UGT8: variants seen among roughly 807,000 people sequenced by gnomAD.
The protein encoded by UGT8 is 2-hydroxyacylsphingosine 1-beta-galactosyltransferase.
Under a neutral mutation model 40.5 loss-of-function variants are expected in UGT8, and 12 were observed. The observed-to-expected ratio is 0.30, with a 90% CI of 0.19 to 0.48. UGT8 has a LOEUF of 0.48. UGT8 is among the 20% of genes least tolerant of loss of function. The probability of loss-of-function intolerance (pLI) is 0.99; values close to 1 mark genes in which losing one functional copy is unlikely to be tolerated. For missense variants in UGT8, 513 were observed against 648.7 expected (o/e 0.79, Z 2.27); for synonymous variants, 224 against 240.4 (o/e 0.93, Z 0.63).
chr4:114,621,214 A>G (rs374206692), intron 1 of UGT8, among the ~76,000 whole-genome samples: 9 of 152,292 alleles, frequency 5.9e-5, no homozygotes, highest in African/African-American at 1.9e-4. Flanking sequence ...TGACATTTGC[A>G]CCTGAGTTAA....
chr4:114,622,005 C>A (rs1211645880), intron 1 of UGT8, among the ~76,000 whole-genome samples: 1 of 151,752 alleles, frequency 6.6e-6, no homozygotes. Context: ...GCACAATGTG[C>A]AGGTTAGTTA....
chr4:114,652,967 C>T (rs1733973735), intron 2 of UGT8, among the ~76,000 whole-genome samples: 1 of 152,054 alleles, frequency 6.6e-6, no homozygotes, highest in South Asian at 2.1e-4. Flanking sequence ...CATGGCTCTA[C>T]ATGTTTCTGC....
intron 2 of UGT8, among the ~76,000 whole-genome samples, chr4:114,624,632 A>G (rs1342245370): frequency 6.6e-6 from 1 of 152,170 alleles, no homozygotes; most frequent in African/African-American, 2.4e-5. Flanking sequence ...AAATTCTATC[A>G]GGGCCTTGAT....
At chr4:114,647,868 T>C (rs1733671167) in intron 2 of UGT8, among the ~76,000 whole-genome samples, 4 of 152,196 alleles carry the variant, frequency 2.6e-5, no homozygotes, top group Admixed American at 2.0e-4. Flanking sequence ...CCTTATATCC[T>C]CTTATTGCTT....
At chr4:114,655,380 A>G (rs908610273) in intron 2 of UGT8, among the ~76,000 whole-genome samples, 2 of 152,014 alleles carry the variant, frequency 1.3e-5, no homozygotes, top group Non-Finnish European at 2.9e-5. Context: ...AGAAGTCCAC[A>G]TAAGTTGTTT....
chr4:114,664,252 C>A, intron 3 of UGT8, 115 bp downstream of exon 3: 3 of 1,149,012 alleles, frequency 2.6e-6, no homozygotes, highest in African/African-American at 1.5e-5. Flanking sequence ...TAGCAAGATG[C>A]CCTTGACTTT....
intron 1 of UGT8, among the ~76,000 whole-genome samples, chr4:114,614,000 AT>A (rs2126090850): frequency 6.6e-6 from 1 of 152,254 alleles, no homozygotes; most frequent in South Asian, 2.1e-4. Context: ...GTATTATCTT[AT>A]TTTTATTTTC....
intron 2 of UGT8, among the ~76,000 whole-genome samples, chr4:114,635,719 T>A (rs13106767): frequency 0.6 from 90,761 of 152,034 alleles, 29,982 homozygotes; most frequent in East Asian, 0.81. Flanking sequence ...TTCAGTTAAG[T>A]TTTAAGTATA....
chr4:114,641,362 T>C (rs915527350), intron 2 of UGT8, among the ~76,000 whole-genome samples: 1 of 152,228 alleles, frequency 6.6e-6, no homozygotes, highest in African/African-American at 2.4e-5. Context: ...AAAGCAATAC[T>C]TGGAATTTTG....
intron 1 of UGT8, among the ~76,000 whole-genome samples, chr4:114,610,871 T>A (rs1730995819): frequency 6.6e-6 from 1 of 152,146 alleles, no homozygotes; most frequent in Non-Finnish European, 1.5e-5. Context: ...TAAAAATACA[T>A]TTAAACTAGT....
intron 1 of UGT8, among the ~76,000 whole-genome samples, chr4:114,604,575 T>C (rs1730627549): frequency 1.3e-5 from 2 of 151,990 alleles, no homozygotes; most frequent in Non-Finnish European, 2.9e-5. Flanking sequence ...TTAATAAACA[T>C]TTTAAATTAG....
intron 2 of UGT8, among the ~76,000 whole-genome samples, chr4:114,663,072 C>T (rs1734649418): frequency 6.6e-6 from 1 of 151,982 alleles, no homozygotes; most frequent in Non-Finnish European, 1.5e-5. Flanking sequence ...ATGCACCTGC[C>T]TTGGCCTCCC....
intron 1 of UGT8, among the ~76,000 whole-genome samples, chr4:114,618,381 T>G (rs1731569544): frequency 6.6e-6 from 1 of 152,192 alleles, no homozygotes; most frequent in Non-Finnish European, 1.5e-5. Context: ...AGTTGAGCAT[T>G]ATCACTAAAA....
At chr4:114,660,330 A>G (rs529152531) in intron 2 of UGT8, among the ~76,000 whole-genome samples, 13 of 152,334 alleles carry the variant, frequency 8.5e-5, no homozygotes, top group South Asian at 2.1e-4. Flanking sequence ...GTCGATATAG[A>G]CAATATGAAA....
intron 2 of UGT8, among the ~76,000 whole-genome samples, chr4:114,652,426 A>T (rs1733941613): frequency 6.6e-6 from 1 of 151,616 alleles, no homozygotes; most frequent in Non-Finnish European, 1.5e-5. Context: ...ACTAGTGTAG[A>T]GAACTTGAGC....
chr4:114,643,315 A>G (rs1285184387), intron 2 of UGT8, among the ~76,000 whole-genome samples: 1 of 152,196 alleles, frequency 6.6e-6, no homozygotes, highest in East Asian at 1.9e-4. Flanking sequence ...GTGCACCTAA[A>G]TAAGCCACTT....
chr4:114,656,967 C>A, intron 2 of UGT8: 1 of 351,946 alleles, frequency 2.8e-6, no homozygotes, highest in Admixed American at 5.1e-5. Flanking sequence ...CTGGTCATGG[C>A]TATCAAATAA....
At chr4:114,611,094 C>A (rs1731010304) in intron 1 of UGT8, among the ~76,000 whole-genome samples, 1 of 151,846 alleles carries the variant, frequency 6.6e-6, no homozygotes, top group African/African-American at 2.4e-5. Flanking sequence ...ATTAAAATCC[C>A]AATAAAAGAG....
At chr4:114,610,930 T>A (rs1731001686) in intron 1 of UGT8, among the ~76,000 whole-genome samples, 1 of 152,166 alleles carries the variant, frequency 6.6e-6, no homozygotes, top group Admixed American at 6.5e-5. Context: ...AATCCCATGA[T>A]CTTTTGTGAT....
Sources: allele counts gnomAD v4.1 joint callset (sites outside exome capture counted in the v4.1 genomes callset), GRCh38; gene constraint gnomAD v4.1.1; transcripts MANE v1.5; gene names NCBI Gene and HGNC (gene_info 2026-07-23, HGNC 2026-07-21).